FABP7: variants seen among roughly 807,000 people sequenced by gnomAD.
FABP7 encodes the protein fatty acid binding protein 7.
A neutral mutation model predicts 14.2 loss-of-function variants in FABP7; 13 were observed. The observed-to-expected ratio is 0.91, with a 90% confidence interval of 0.59 to 1.45. The LOEUF (loss-of-function observed/expected upper bound fraction) is 1.45, where lower values mean the gene tolerates loss of function less well. Among genes scored for constraint, FABP7 ranks in the 40% most tolerant of loss-of-function variants. FABP7 has a pLI of 0.00. For missense variants in FABP7, 149 were observed against 157.6 expected (o/e 0.95, Z 0.29); for synonymous variants, 49 against 51.4 (o/e 0.95, Z 0.20).
At chr6:122,764,402 T>C in the FABP7 span, among the ~76,000 whole-genome samples, 1 of 149,506 alleles carries the variant, frequency 6.7e-6, no homozygotes, top group Non-Finnish European at 1.5e-5. Context: ...GTGGGGGGAG[T>C]GGGGAGGGAT....
the FABP7 span, among the ~76,000 whole-genome samples, chr6:122,758,202 G>T: frequency 6.7e-6 from 1 of 149,838 alleles, no homozygotes. Context: ...CTGCCTCCTG[G>T]GTTCAAGCAA....
the FABP7 span, among the ~76,000 whole-genome samples, chr6:122,762,182 C>T: frequency 2.6e-5 from 4 of 152,276 alleles, no homozygotes; most frequent in Admixed American, 6.5e-5. Flanking sequence ...CATCAAAAAG[C>T]GTATCCACCA....
At chr6:122,763,375 T>C in the FABP7 span, among the ~76,000 whole-genome samples, 2 of 152,114 alleles carry the variant, frequency 1.3e-5, no homozygotes, top group African/African-American at 2.4e-5. Flanking sequence ...TTACACCTTA[T>C]ACAAAAATTA....
chr6:122,751,457 G>T, the FABP7 span, among the ~76,000 whole-genome samples: 3 of 152,162 alleles, frequency 2.0e-5, no homozygotes, highest in Non-Finnish European at 2.9e-5. Flanking sequence ...TATGCATGCA[G>T]GCATCTATGC....
At chr6:122,776,703 T>C (rs1780679308), upstream of FABP7, among the ~76,000 whole-genome samples, 1 of 152,156 alleles carries the variant, frequency 6.6e-6, no homozygotes, top group South Asian at 2.1e-4. Flanking sequence ...AAATGACCAA[T>C]GAGGTGATAA....
chr6:122,769,917 A>G, the FABP7 span, among the ~76,000 whole-genome samples: 1 of 152,186 alleles, frequency 6.6e-6, no homozygotes, highest in African/African-American at 2.4e-5. Context: ...CTAAAATTCA[A>G]ACAAAGGCTT....
chr6:122,783,070 T>C (rs1780834619), intron 3 of FABP7: 1 of 985,370 alleles, frequency 1.0e-6, no homozygotes. Flanking sequence ...ATCACATCAA[T>C]ACATGAAAAC....
the FABP7 span, among the ~76,000 whole-genome samples, chr6:122,754,068 G>T: frequency 6.6e-6 from 1 of 152,122 alleles, no homozygotes; most frequent in Admixed American, 6.5e-5. Context: ...TAGGAAGTCA[G>T]CATGAAACAG....
At chr6:122,780,527 A>G (rs1049611000) in intron 2 of FABP7, 64 bp downstream of exon 2, 1 of 1,497,568 alleles carries the variant, frequency 6.7e-7, no homozygotes, top group Non-Finnish European at 9.1e-7. Context: ...AAGATTTCCA[A>G]TGCATGTTTT....
the FABP7 span, among the ~76,000 whole-genome samples, chr6:122,759,431 A>G: frequency 6.6e-6 from 1 of 151,988 alleles, no homozygotes; most frequent in Admixed American, 6.6e-5. Context: ...TTTTCTTCCT[A>G]TTTTTCTCCT....
At chr6:122,781,409 GA>G in intron 3 of FABP7, 1 of 1,411,586 alleles carries the variant, frequency 7.1e-7, no homozygotes, top group African/African-American at 1.4e-5. Flanking sequence ...TTTGATTGTA[GA>G]AAAAGAGAAA....
At chr6:122,773,788 T>C in the FABP7 span, among the ~76,000 whole-genome samples, 11 of 152,172 alleles carry the variant, frequency 7.2e-5, no homozygotes, top group East Asian at 1.9e-4. Flanking sequence ...AAAGGAAAAA[T>C]TGTTGTAAAG....
the FABP7 span, among the ~76,000 whole-genome samples, chr6:122,769,753 C>T: frequency 2.6e-5 from 4 of 151,958 alleles, no homozygotes; most frequent in African/African-American, 4.8e-5. Flanking sequence ...GGAGTACAAA[C>T]GTTTGTAATG....
chr6:122,779,828 A>C lies in FABP7; in HGVS notation c.34A>C (p.Thr12Pro), dbSNP rs1391517456. 1.2e-6 allele frequency: 2 copies of C among 1,614,186 alleles called. No individual in the cohort carries two copies. The highest frequency in any genetic ancestry group is 1.6e-4 in the Middle Eastern group (1 of 6,062). The change falls in exon 1 of 4, where the codon ACC (threonine) becomes CCC (proline). Residue 12 changes from threonine (T) to proline (P), a missense_variant. Physicochemically the swap from Thr to Pro is conservative, Grantham distance 38. Transcript: ENST00000368444. The part of the protein sequence containing the change: ...VEAFCATWKL[T>P]NSQNFDEYMK... ...GGCTTTCTGTGCTACCTGGAAGCTG[A>C]CCAACAGTCAGAACTTTGATGAGTA...
At chr6:122,782,758 C>T (rs947306281) in intron 3 of FABP7, 2 of 985,366 alleles carry the variant, frequency 2.0e-6, no homozygotes, top group South Asian at 9.4e-5. Flanking sequence ...CTGCAATCAG[C>T]ACTGTTCTGC....
chr6:122,779,481 A>G, upstream of FABP7: 1 of 289,440 alleles, frequency 3.5e-6, no homozygotes, highest in South Asian at 1.0e-4. Flanking sequence ...GAGCTTTCTC[A>G]GGCATAAGGG....
At chr6:122,753,779 AT>A in the FABP7 span, among the ~76,000 whole-genome samples, 6 of 78,646 alleles carry the variant, frequency 7.6e-5, no homozygotes, top group South Asian at 4.2e-4. Context: ...TTGGGTCCAA[AT>A]CCCGCCCCCC....
chr6:122,776,895 C>T (rs974725864), upstream of FABP7, among the ~76,000 whole-genome samples: 1 of 152,084 alleles, frequency 6.6e-6, no homozygotes, highest in Non-Finnish European at 1.5e-5. Context: ...TCTTTTCTGC[C>T]TATTACAAGA....
chr6:122,749,756 T>A, the FABP7 span, among the ~76,000 whole-genome samples: 1 of 152,144 alleles, frequency 6.6e-6, no homozygotes, highest in African/African-American at 2.4e-5. Flanking sequence ...TTAGCTAAGA[T>A]AAAAGACAAA....
Sources: allele counts gnomAD v4.1 joint callset (sites outside exome capture counted in the v4.1 genomes callset), GRCh38; gene constraint gnomAD v4.1.1; transcripts MANE v1.5; gene names NCBI Gene and HGNC (gene_info 2026-07-23, HGNC 2026-07-21).